The following DLG2 variants were observed in gnomAD, a reference collection of about 807,000 sequenced individuals.
DLG2 encodes disks large homolog 2.
Under a neutral mutation model 132.5 loss-of-function variants are expected in DLG2, and 45 were observed. The ratio of observed to expected loss-of-function variants is 0.34; its 90% confidence interval spans 0.27 to 0.44. The LOEUF is 0.44. Ranked by LOEUF, DLG2 falls within the 20% of genes least tolerant of loss-of-function variation. The pLI is 1.00. For missense variants in DLG2, 1,045 were observed against 1,196.9 expected, an observed-to-expected ratio of 0.87 and a Z score of 1.87; for synonymous variants, 424 against 419.6, an observed-to-expected ratio of 1.01 and a Z score of -0.13.
At chr11:83,485,803 C>G (rs1184510279) in intron 21 of DLG2, among the ~76,000 whole-genome samples, 1 of 152,036 alleles carries the variant, frequency 6.6e-6, no homozygotes, top group East Asian at 1.9e-4. Context: ...ATTTTGGTAA[C>G]CATGTTCATT....
intron 3 of DLG2, among the ~76,000 whole-genome samples, chr11:85,294,213 G>A (rs1451649971): frequency 6.6e-6 from 1 of 151,904 alleles, no homozygotes; most frequent in Non-Finnish European, 1.5e-5. Flanking sequence ...GGTGAATCTG[G>A]GTAAAGTGAC....
intron 4 of DLG2, among the ~76,000 whole-genome samples, chr11:85,173,750 A>G (rs994105018): frequency 6.6e-6 from 1 of 152,224 alleles, no homozygotes; most frequent in Admixed American, 6.5e-5. Context: ...AAAGACACAC[A>G]TAGGCTCAAA....
At chr11:84,816,617 C>T (rs2077110112) in intron 6 of DLG2, among the ~76,000 whole-genome samples, 1 of 151,820 alleles carries the variant, frequency 6.6e-6, no homozygotes, top group Non-Finnish European at 1.5e-5. Context: ...ATTCATATAA[C>T]AGCCCTGCAA....
intron 3 of DLG2, among the ~76,000 whole-genome samples, chr11:85,518,848 C>T (rs1222522241): frequency 6.6e-6 from 1 of 152,142 alleles, no homozygotes; most frequent in Non-Finnish European, 1.5e-5. Flanking sequence ...CCCTGTGTCC[C>T]AGGTGCTCCA....
At chr11:83,577,559 AATATATATATATATATATAT>A (rs1167372199) in intron 19 of DLG2, among the ~76,000 whole-genome samples, 1,721 of 78,428 alleles carry the variant, frequency 0.022, 91 homozygotes, top group African/African-American at 0.079. Flanking sequence ...GAATTAATAG[AATATATATATATATATATAT>A]ATATATATCC....
chr11:84,217,761 T>G (rs1331253499), intron 8 of DLG2, among the ~76,000 whole-genome samples: 1 of 152,212 alleles, frequency 6.6e-6, no homozygotes, highest in Non-Finnish European at 1.5e-5. Context: ...AAGAGAGATA[T>G]TTAATCTGAA....
intron 7 of DLG2, among the ~76,000 whole-genome samples, chr11:84,301,988 C>CA (rs2098161071): frequency 6.6e-6 from 1 of 152,122 alleles, no homozygotes; most frequent in African/African-American, 2.4e-5. Flanking sequence ...GAAAATGTGA[C>CA]ACGCATACAC....
intron 6 of DLG2, among the ~76,000 whole-genome samples, chr11:85,002,268 T>G (rs1007049207): frequency 6.6e-6 from 1 of 152,166 alleles, no homozygotes; most frequent in Non-Finnish European, 1.5e-5. Context: ...ATTTGGCTAG[T>G]TGCTAGTCTG....
At chr11:85,006,547 G>A (rs1010557603) in intron 6 of DLG2, among the ~76,000 whole-genome samples, 2 of 152,100 alleles carry the variant, frequency 1.3e-5, no homozygotes, top group African/African-American at 2.4e-5. Context: ...ATGGTAGTTT[G>A]CATTTCTGTG....
intron 6 of DLG2, among the ~76,000 whole-genome samples, chr11:84,835,545 G>C (rs895049235): frequency 3.3e-5 from 5 of 151,694 alleles, no homozygotes; most frequent in African/African-American, 1.2e-4. Context: ...CATTATTGTT[G>C]TTATGCAGTG....
intron 3 of DLG2, among the ~76,000 whole-genome samples, chr11:85,299,490 C>G (rs2079449857): frequency 6.6e-6 from 1 of 152,166 alleles, no homozygotes; most frequent in African/African-American, 2.4e-5. Context: ...GCCTCCTTCA[C>G]CAAAAGTCAT....
At chr11:84,286,712 A>G (rs2097913662) in intron 7 of DLG2, among the ~76,000 whole-genome samples, 1 of 152,176 alleles carries the variant, frequency 6.6e-6, no homozygotes, top group Non-Finnish European at 1.5e-5. Context: ...AAGGGCCATA[A>G]TGGTCAACAA....
intron 21 of DLG2, among the ~76,000 whole-genome samples, chr11:83,510,054 G>A (rs922747151): frequency 6.6e-6 from 1 of 152,156 alleles, no homozygotes; most frequent in Non-Finnish European, 1.5e-5. Flanking sequence ...CCTGGCCTGG[G>A]TCCTCCTTAT....
intron 19 of DLG2, among the ~76,000 whole-genome samples, chr11:83,614,331 G>C (rs946258955): frequency 6.6e-6 from 1 of 152,220 alleles, no homozygotes; most frequent in Non-Finnish European, 1.5e-5. Context: ...TATGTGAAAT[G>C]AATGTTACAG....
intron 6 of DLG2, among the ~76,000 whole-genome samples, chr11:84,906,746 C>T (rs986005774): frequency 6.6e-6 from 1 of 151,926 alleles, no homozygotes; most frequent in African/African-American, 2.4e-5. Context: ...ATAGTGAGGC[C>T]AAGGGACTAG....
chr11:85,550,428 C>T (rs2076595020), intron 3 of DLG2, among the ~76,000 whole-genome samples: 1 of 152,230 alleles, frequency 6.6e-6, no homozygotes, highest in Non-Finnish European at 1.5e-5. Context: ...TACTCTGGTT[C>T]CTGCACCCAC....
intron 7 of DLG2, among the ~76,000 whole-genome samples, chr11:84,497,362 TTAGATTATTGCTAC>T (rs1038206879): frequency 2.6e-4 from 39 of 152,222 alleles, no homozygotes; most frequent in African/African-American, 9.1e-4. Flanking sequence ...TCTCCCAATA[TTAGATTATTGCTAC>T]TACAACTGTA....
intron 19 of DLG2, among the ~76,000 whole-genome samples, chr11:83,547,614 A>C: frequency 6.6e-6 from 1 of 152,172 alleles, no homozygotes; most frequent in Admixed American, 6.6e-5. Flanking sequence ...CAGGCACCTT[A>C]GTCCTACAAC....
intron 7 of DLG2, among the ~76,000 whole-genome samples, chr11:84,501,076 AT>A (rs2099203168): frequency 6.6e-6 from 1 of 152,172 alleles, no homozygotes; most frequent in African/African-American, 2.4e-5. Context: ...TTGACTCATA[AT>A]AGGTTGTCAA....
Sources: gnomAD v4.1 joint callset for allele counts (sites outside exome capture counted in the v4.1 genomes callset) on GRCh38, gnomAD v4.1.1 for gene constraint, MANE v1.5 for transcripts, NCBI Gene and HGNC (gene_info 2026-07-23, HGNC 2026-07-21) for gene names.